The following KCNC2 variants were observed in gnomAD, a reference collection of about 807,000 sequenced individuals.
KCNC2 encodes potassium voltage-gated channel subfamily C member 2, also known as voltage-gated potassium channel KCNC2.
A neutral mutation model predicts 44.5 loss-of-function variants in KCNC2; 21 were observed. The observed-to-expected ratio is 0.47, with a 90% CI of 0.33 to 0.68. The LOEUF is 0.68. KCNC2 is among the 30% of genes least tolerant of loss of function. The pLI is 0.01. For missense variants in KCNC2, 589 were observed against 826.2 expected (o/e 0.71, Z 3.52); for synonymous variants, 391 against 339.1 (o/e 1.15, Z -1.68).
intron 2 of KCNC2, among the ~76,000 whole-genome samples, chr12:75,178,360 A>G (rs1227561563): frequency 6.6e-6 from 1 of 152,040 alleles, no homozygotes; most frequent in East Asian, 1.9e-4. Context: ...CTGGATGTGA[A>G]TCAAATTTAT....
chr12:75,075,494 TATATAA>T (rs1883870191), intron 2 of KCNC2, among the ~76,000 whole-genome samples: 1 of 148,630 alleles, frequency 6.7e-6, no homozygotes, highest in East Asian at 2.0e-4. Flanking sequence ...CACATATATA[TATATAA>T]ATAACATTGC....
chr12:75,071,457 T>A (rs1883391981), intron 2 of KCNC2, among the ~76,000 whole-genome samples: 1 of 152,228 alleles, frequency 6.6e-6, no homozygotes, highest in South Asian at 2.1e-4. Flanking sequence ...TCTTAAATGG[T>A]TGTGTACAGC....
intron 2 of KCNC2, among the ~76,000 whole-genome samples, chr12:75,084,049 C>T (rs1884740784): frequency 6.6e-6 from 1 of 151,764 alleles, no homozygotes; most frequent in African/African-American, 2.4e-5. Context: ...GATTTGAGAG[C>T]CTTATACTCC....
chr12:75,151,953 ATATAT>A (rs964298430), intron 2 of KCNC2, among the ~76,000 whole-genome samples: 9 of 146,120 alleles, frequency 6.2e-5, no homozygotes, highest in African/African-American at 1.5e-4. Flanking sequence ...TTTATATATA[ATATAT>A]TATATATTAT....
At chr12:75,178,229 G>T (rs1021414360) in intron 2 of KCNC2, among the ~76,000 whole-genome samples, 8 of 152,096 alleles carry the variant, frequency 5.3e-5, no homozygotes, top group African/African-American at 1.9e-4. Context: ...GTACATCTGT[G>T]CTTAGTAATA....
At chr12:75,070,402 G>C (rs1415599069) in intron 2 of KCNC2, among the ~76,000 whole-genome samples, 2 of 149,840 alleles carry the variant, frequency 1.3e-5, no homozygotes, top group Non-Finnish European at 2.9e-5. Flanking sequence ...AGTGAGCCGA[G>C]ATTGCACCAT....
intron 2 of KCNC2, among the ~76,000 whole-genome samples, chr12:75,130,754 CACA>C (rs1227409332): frequency 2.0e-5 from 3 of 149,212 alleles, no homozygotes; most frequent in Non-Finnish European, 3.0e-5. Context: ...CAGAAGTTTT[CACA>C]TATTGTGAAA....
chr12:75,199,288 A>G (rs2031040050), intron 2 of KCNC2, among the ~76,000 whole-genome samples: 1 of 151,852 alleles, frequency 6.6e-6, no homozygotes, highest in South Asian at 2.1e-4. Flanking sequence ...AGGGGCTTCA[A>G]ACAAAGAATG....
intron 2 of KCNC2, among the ~76,000 whole-genome samples, chr12:75,107,330 T>C (rs1886872270): frequency 6.6e-6 from 1 of 152,044 alleles, no homozygotes; most frequent in South Asian, 2.1e-4. Context: ...ATGGCAATAA[T>C]AATAACAATA....
intron 2 of KCNC2, among the ~76,000 whole-genome samples, chr12:75,195,436 G>T (rs2030678124): frequency 6.6e-6 from 1 of 152,086 alleles, no homozygotes; most frequent in African/African-American, 2.4e-5. Flanking sequence ...TCATGAGCCA[G>T]ATACCCAAAT....
chr12:75,088,043 G>A lies in KCNC2; in HGVS notation c.688-36726C>T, dbSNP rs186379965. Among the ~76,000 whole-genome samples the A allele has an allele frequency of 1.7e-3, 261 of 151,966 alleles. 1 individual carries two copies. Among genetic ancestry groups the A allele is most frequent in the African/African-American group, 5.9e-3 (245 of 41,448 alleles). The stretch of plus-strand genomic sequence containing the variant: ...TGAGGGATAGACTTTTTGTCTGACA[G>A]ATATTGTTTTAGAGCTGGTCTATGA... On this transcript the variant is annotated intron_variant, in intron 2 of 4. Transcript: ENST00000549446.
chr12:75,135,358 G>A (rs1351431152), intron 2 of KCNC2, among the ~76,000 whole-genome samples: 3 of 151,936 alleles, frequency 2.0e-5, no homozygotes, highest in Non-Finnish European at 2.9e-5. Flanking sequence ...TTTGCTACAG[G>A]GCAGATCTGT....
chr12:75,155,058 C>T (rs1480830943), intron 2 of KCNC2, among the ~76,000 whole-genome samples: 1 of 151,546 alleles, frequency 6.6e-6, no homozygotes, highest in Admixed American at 6.6e-5. Flanking sequence ...CAGTTTGGTG[C>T]TCACAGAAAT....
Position 75,042,974 on chromosome 12 carries a change from G to A in KCNC2, c.*131C>T, listed in dbSNP as rs1880079767. ...CAAGTGGCATTTCTGACTTCAAATT[G>A]TAGTATCATGCAAGATTTATACTGT... On this transcript the variant is annotated 3_prime_UTR_variant, in exon 5 of 5. Transcript: ENST00000549446. 4 of 1,420,678 alleles carry A rather than the reference G, an allele frequency of 2.8e-6. No individual in the cohort carries two copies. The highest frequency in any genetic ancestry group is 1.9e-4 in the Middle Eastern group (1 of 5,378). 88.0% of individuals were successfully genotyped at this position (1,420,678 alleles called of 1,614,324 possible). A position where few individuals can be genotyped will look rare whatever the true frequency, so the allele number is the denominator to read the frequency against.
intron 2 of KCNC2, among the ~76,000 whole-genome samples, chr12:75,096,699 C>T (rs1885953494): frequency 6.6e-6 from 1 of 151,996 alleles, no homozygotes; most frequent in African/African-American, 2.4e-5. Context: ...CCCACCCTTA[C>T]ACTATTCTAC....
At chr12:75,046,905 C>A (rs1445414751) in intron 4 of KCNC2, among the ~76,000 whole-genome samples, 2 of 151,386 alleles carry the variant, frequency 1.3e-5, no homozygotes, top group Non-Finnish European at 3.0e-5. Flanking sequence ...TCTAAAGTGA[C>A]CAAAAGAAAT....
intron 2 of KCNC2, among the ~76,000 whole-genome samples, chr12:75,071,827 C>T (rs773581531): frequency 6.7e-6 from 1 of 149,918 alleles, no homozygotes; most frequent in Non-Finnish European, 1.5e-5. Context: ...ATCCCAGCTA[C>T]TGAGGAGGCT....
chr12:75,179,918 G>T (rs1892464631), intron 2 of KCNC2, among the ~76,000 whole-genome samples: 1 of 151,558 alleles, frequency 6.6e-6, no homozygotes, highest in Non-Finnish European at 1.5e-5. Flanking sequence ...GCTACAAATT[G>T]CACTGTATCT....
intron 2 of KCNC2, among the ~76,000 whole-genome samples, chr12:75,195,990 G>T (rs926103439): frequency 1.3e-5 from 2 of 152,008 alleles, no homozygotes; most frequent in Admixed American, 1.3e-4. Context: ...TTCCTTTCCT[G>T]TTGAAACTAT....
Sources: gnomAD v4.1 joint callset for allele counts (sites outside exome capture counted in the v4.1 genomes callset) on GRCh38, gnomAD v4.1.1 for gene constraint, MANE v1.5 for transcripts, NCBI Gene and HGNC (gene_info 2026-07-23, HGNC 2026-07-21) for gene names.